CACNA2D1: variants seen among roughly 807,000 people sequenced by gnomAD.
CACNA2D1 encodes voltage-dependent calcium channel subunit alpha-2/delta-1.
A neutral mutation model predicts 171.5 loss-of-function variants in CACNA2D1; 53 were observed. The ratio of observed to expected loss-of-function variants is 0.31; its 90% CI spans 0.25 to 0.39. The LOEUF (loss-of-function observed/expected upper bound fraction) is 0.39, where lower values mean the gene tolerates loss of function less well. Ranked by LOEUF, CACNA2D1 falls within the 10% of genes least tolerant of loss-of-function variation. The pLI is 1.00. For missense variants in CACNA2D1, 903 were observed against 1,299.8 expected (o/e 0.69, Z 4.69); for synonymous variants, 442 against 443.1 (o/e 1.00, Z 0.03).
chr7:82,167,476 G>A (rs1483466945), intron 4 of CACNA2D1, among the ~76,000 whole-genome samples: 1 of 151,718 alleles, frequency 6.6e-6, no homozygotes, highest in Non-Finnish European at 1.5e-5. Flanking sequence ...TATTATTTTT[G>A]TACTTTTTAC....
chr7:81,989,184 T>G (rs1797277815), intron 21 of CACNA2D1, among the ~76,000 whole-genome samples: 1 of 152,210 alleles, frequency 6.6e-6, no homozygotes, highest in African/African-American at 2.4e-5. Flanking sequence ...ACAGCGTGGC[T>G]TAACCAGGGA....
intron 4 of CACNA2D1, among the ~76,000 whole-genome samples, chr7:82,140,010 C>A (rs752449805): frequency 1.3e-5 from 2 of 151,146 alleles, no homozygotes; most frequent in Non-Finnish European, 2.9e-5. Context: ...AGGCTGGTTT[C>A]GAACTCCTGA....
chr7:82,352,876 T>A (rs1467891915), intron 1 of CACNA2D1, among the ~76,000 whole-genome samples: 1 of 152,222 alleles, frequency 6.6e-6, no homozygotes, highest in East Asian at 1.9e-4. Context: ...GAGTCCAAGC[T>A]TGGTTCAGCA....
intron 10 of CACNA2D1, among the ~76,000 whole-genome samples, chr7:82,060,180 T>TATATATATAATATATATATA (rs1314734590): frequency 5.6e-4 from 13 of 23,208 alleles, no homozygotes; most frequent in African/African-American, 1.9e-3. Context: ...ATATATATAA[T>TATATATATAATATATATATA]ATATATATAT....
chr7:82,349,930 G>A lies in CACNA2D1; in HGVS notation c.96-281C>T, dbSNP rs569238230. 1.7e-4 allele frequency among the ~76,000 whole-genome samples: 26 copies of A among 152,178 alleles called. No homozygotes were observed. The South Asian group carries it at 5.4e-3, about 32-fold the overall frequency. ...GGAGAGTAAACAATTTGCTTATTTT[G>A]AATTAAAATTCCATTAAATAGCTAT... On this transcript the variant is annotated intron_variant, in intron 1 of 38. Coordinates refer to ENST00000356860, the MANE Select transcript of CACNA2D1 (RefSeq NM_000722.4).
intron 1 of CACNA2D1, among the ~76,000 whole-genome samples, chr7:82,396,521 C>T (rs139124816): frequency 7.1e-4 from 108 of 152,298 alleles, no homozygotes; most frequent in African/African-American, 2.5e-3. Flanking sequence ...TAATTCACCA[C>T]TCTGTGGCTA....
chr7:82,043,004 T>G (rs1234057844), intron 10 of CACNA2D1, among the ~76,000 whole-genome samples: 2 of 152,202 alleles, frequency 1.3e-5, no homozygotes, highest in Non-Finnish European at 2.9e-5. Flanking sequence ...ACTTGGCATG[T>G]AATAAACATG....
intron 10 of CACNA2D1, among the ~76,000 whole-genome samples, chr7:82,046,328 C>T (rs1804552779): frequency 6.6e-6 from 1 of 152,186 alleles, no homozygotes; most frequent in South Asian, 2.1e-4. Flanking sequence ...CAGTCAGAGA[C>T]ATAAATATCT....
intron 24 of CACNA2D1, among the ~76,000 whole-genome samples, chr7:81,982,298 T>A (rs1250992858): frequency 6.6e-6 from 1 of 152,090 alleles, no homozygotes; most frequent in African/African-American, 2.4e-5. Context: ...CCCAGCAAAT[T>A]TTTGTATTTT....
intron 5 of CACNA2D1, among the ~76,000 whole-genome samples, chr7:82,126,458 T>C (rs1390790683): frequency 2.0e-5 from 3 of 152,184 alleles, no homozygotes; most frequent in African/African-American, 4.8e-5. Context: ...TAATCTTACA[T>C]TGAAACATTA....
intron 5 of CACNA2D1, among the ~76,000 whole-genome samples, chr7:82,123,094 A>G (rs1477742597): frequency 6.6e-6 from 1 of 152,212 alleles, no homozygotes; most frequent in Non-Finnish European, 1.5e-5. Flanking sequence ...CAAAAGGAGC[A>G]TGTGCCCAAG....
intron 38 of CACNA2D1, 78 bp downstream of exon 38, chr7:81,959,197 G>T: frequency 9.9e-7 from 1 of 1,011,320 alleles, no homozygotes; most frequent in South Asian, 1.3e-5. Context: ...AGTTAAAATT[G>T]CAATTTGTAT....
intron 2 of CACNA2D1, among the ~76,000 whole-genome samples, chr7:82,348,152 A>T (rs1324857192): frequency 6.6e-6 from 1 of 152,060 alleles, no homozygotes; most frequent in African/African-American, 2.4e-5. Context: ...TTTTTTTCTC[A>T]TTATGATTAA....
At chr7:82,063,561 T>C (rs1242908598) in intron 9 of CACNA2D1, among the ~76,000 whole-genome samples, 1 of 151,674 alleles carries the variant, frequency 6.6e-6, no homozygotes, top group Non-Finnish European at 1.5e-5. Context: ...ACAAAGATTT[T>C]TTTTTTTTTT....
At chr7:82,254,133 C>T (rs1485184991) in intron 3 of CACNA2D1, among the ~76,000 whole-genome samples, 1 of 152,120 alleles carries the variant, frequency 6.6e-6, no homozygotes, top group East Asian at 1.9e-4. Flanking sequence ...CACATCTTCC[C>T]TTACCCCAAT....
intron 6 of CACNA2D1, among the ~76,000 whole-genome samples, chr7:82,113,902 A>G (rs1788726300): frequency 6.6e-6 from 1 of 152,212 alleles, no homozygotes; most frequent in African/African-American, 2.4e-5. Flanking sequence ...ATTTCAGCAA[A>G]GATGAAGATG....
intron 3 of CACNA2D1, among the ~76,000 whole-genome samples, chr7:82,180,592 T>C (rs1563165696): frequency 6.6e-6 from 1 of 152,114 alleles, no homozygotes. Flanking sequence ...GAAAACTCTA[T>C]TGAGAGTGGC....
chr7:82,283,866 T>C (rs1048323705), intron 3 of CACNA2D1, among the ~76,000 whole-genome samples: 4 of 151,948 alleles, frequency 2.6e-5, no homozygotes, highest in African/African-American at 7.2e-5. Context: ...ACTTAACTAT[T>C]TGGAAAGAAA....
intron 3 of CACNA2D1, among the ~76,000 whole-genome samples, chr7:82,304,406 T>C (rs1403043778): frequency 6.7e-6 from 1 of 149,840 alleles, no homozygotes; most frequent in African/African-American, 2.5e-5. Context: ...CTCCCAAGTA[T>C]GTTGCAGCAC....
Sources: allele counts gnomAD v4.1 joint callset (sites outside exome capture counted in the v4.1 genomes callset), GRCh38; gene constraint gnomAD v4.1.1; transcripts MANE v1.5; gene names NCBI Gene and HGNC (gene_info 2026-07-23, HGNC 2026-07-21).